METTL15: variants seen among roughly 807,000 people sequenced by gnomAD.
The protein encoded by METTL15 is methyltransferase 15, mitochondrial 12S rRNA N4-cytidine.
In METTL15, 34 loss-of-function variants were observed where a neutral mutation model predicts 38.3. The observed-to-expected ratio is 0.89, with a 90% CI of 0.68 to 1.18. METTL15 has a LOEUF of 1.18. METTL15 is among the 50% of genes most tolerant of loss of function. The pLI is 0.00. For synonymous variants in METTL15, 162 were observed against 170.9 expected (o/e 0.95, Z 0.41); for missense variants, 438 against 498.4 (o/e 0.88, Z 1.15).
chr11:28,142,439 C>A (rs1421810572), intron 3 of METTL15, among the ~76,000 whole-genome samples: 1 of 152,064 alleles, frequency 6.6e-6, no homozygotes, highest in African/African-American at 2.4e-5. Context: ...TGCTGCCTGG[C>A]CTATTTTGGA....
At chr11:28,156,255 T>A (rs904284075) in intron 3 of METTL15, among the ~76,000 whole-genome samples, 3 of 152,042 alleles carry the variant, frequency 2.0e-5, no homozygotes, top group Non-Finnish European at 4.4e-5. Flanking sequence ...GAAGTAGGAG[T>A]TGAGGACCTG....
chr11:28,458,230 G>A (rs182489119), intron 6 of METTL15, among the ~76,000 whole-genome samples: 28 of 152,270 alleles, frequency 1.8e-4, no homozygotes, highest in African/African-American at 6.0e-4. Flanking sequence ...GTAGTATTCT[G>A]TAGGATTTAG....
intron 5 of METTL15, among the ~76,000 whole-genome samples, chr11:28,403,189 C>T (rs915832619): frequency 8.6e-5 from 13 of 151,924 alleles, no homozygotes; most frequent in Non-Finnish European, 1.9e-4. Flanking sequence ...CTCCAGTGGA[C>T]ACTAGCTTGG....
intron 5 of METTL15, among the ~76,000 whole-genome samples, chr11:28,367,606 G>A (rs1254974755): frequency 7.2e-5 from 11 of 151,886 alleles, no homozygotes; most frequent in African/African-American, 1.5e-4. Context: ...TACTTTAAAC[G>A]TCATATGGAA....
chr11:28,227,909 T>A (rs1181812677), intron 4 of METTL15, among the ~76,000 whole-genome samples: 1 of 151,916 alleles, frequency 6.6e-6, no homozygotes, highest in Non-Finnish European at 1.5e-5. Flanking sequence ...TACTTTGCTT[T>A]AATGATCTCT....
intron 6 of METTL15, among the ~76,000 whole-genome samples, chr11:28,490,911 G>A (rs871004): frequency 0.4 from 61,477 of 151,934 alleles, 13,178 homozygotes; most frequent in African/African-American, 0.55. Flanking sequence ...TCCAAGGATT[G>A]GAAACTGGTC....
At chr11:28,240,510 A>T (rs1854246802) in intron 4 of METTL15, among the ~76,000 whole-genome samples, 1 of 152,194 alleles carries the variant, frequency 6.6e-6, no homozygotes, top group Non-Finnish European at 1.5e-5. Flanking sequence ...GAATATTAGG[A>T]TTAAATGTAC....
chr11:28,464,303 C>A (rs1851239494), intron 6 of METTL15, among the ~76,000 whole-genome samples: 1 of 152,094 alleles, frequency 6.6e-6, no homozygotes, highest in South Asian at 2.1e-4. Flanking sequence ...CAGGGGCTGG[C>A]AAACTTTTTC....
intron 4 of METTL15, among the ~76,000 whole-genome samples, chr11:28,358,605 T>A (rs1850109887): frequency 6.6e-6 from 1 of 152,138 alleles, no homozygotes; most frequent in Admixed American, 6.6e-5. Flanking sequence ...TCCCCTGAAC[T>A]CCCTTAATAC....
intron 6 of METTL15, among the ~76,000 whole-genome samples, chr11:28,451,091 A>G (rs910662282): frequency 1.3e-5 from 2 of 152,286 alleles, no homozygotes; most frequent in East Asian, 3.9e-4. Context: ...GTTGAAAGCT[A>G]CAATACTCAA....
chr11:28,145,479 T>G (rs1311266804), intron 3 of METTL15: 1 of 152,052 alleles, frequency 6.6e-6, no homozygotes, highest in Admixed American at 6.6e-5. Flanking sequence ...GGTACTAACT[T>G]TGATTTCTCT....
At chr11:28,365,056 T>C (rs1850172972) in intron 5 of METTL15, among the ~76,000 whole-genome samples, 1 of 152,248 alleles carries the variant, frequency 6.6e-6, no homozygotes, top group Non-Finnish European at 1.5e-5. Flanking sequence ...AACTTTTTGA[T>C]GTGCTGCTGG....
At chr11:28,464,882 G>C (rs1175372949) in intron 6 of METTL15, among the ~76,000 whole-genome samples, 1 of 152,170 alleles carries the variant, frequency 6.6e-6, no homozygotes, top group East Asian at 1.9e-4. Flanking sequence ...TGTTGGATTT[G>C]AAGTTAGGCA....
intron 3 of METTL15, among the ~76,000 whole-genome samples, chr11:28,343,308 A>T (rs979028627): frequency 6.6e-6 from 1 of 152,136 alleles, no homozygotes; most frequent in Non-Finnish European, 1.5e-5. Context: ...CATTTGCCTT[A>T]CAACCAGAGA....
intron 3 of METTL15, among the ~76,000 whole-genome samples, chr11:28,183,776 A>G (rs1240823470): frequency 6.6e-6 from 1 of 152,110 alleles, no homozygotes; most frequent in Non-Finnish European, 1.5e-5. Context: ...GCCTCATAAA[A>G]TGAGTTAGGG....
chr11:28,515,753 G>A (rs975825088), intron 6 of METTL15, among the ~76,000 whole-genome samples: 8 of 152,192 alleles, frequency 5.3e-5, no homozygotes, highest in African/African-American at 1.4e-4. Flanking sequence ...AGCAGGAATC[G>A]AAGTGCATGA....
intron 4 of METTL15, among the ~76,000 whole-genome samples, chr11:28,275,845 C>G (rs1331870731): frequency 6.6e-6 from 1 of 151,864 alleles, no homozygotes; most frequent in African/African-American, 2.4e-5. Context: ...TGTACAAAAG[C>G]CATATATTAA....
In METTL15 at chr11:28,169,090, G is replaced by A. The variant is rs934043350; in HGVS notation, c.271-41972G>A. Among the ~76,000 whole-genome samples the A allele has an allele frequency of 6.6e-5, 10 of 152,146 alleles. No individual in the cohort carries two copies. The East Asian group carries it at 7.7e-4, about 12-fold the overall frequency. On this transcript the variant is annotated intron_variant, in intron 3 of 6. Coordinates refer to ENST00000407364, the MANE Select transcript of METTL15 (RefSeq NM_001113528.2). Reference sequence around the variant, plus strand: ...GGTAAAGTGGAGGTTAGACCAAAATGGAGAGAGACTGGTAGAGAAAACTGA... The same window carrying A: ...GGTAAAGTGGAGGTTAGACCAAAATAGAGAGAGACTGGTAGAGAAAACTGA...
chr11:28,144,940 A>G (rs975874744), intron 3 of METTL15: 21 of 198,014 alleles, frequency 1.1e-4, no homozygotes, highest in Admixed American at 8.3e-4. Flanking sequence ...GATTGCTCCA[A>G]TATAAAACCA....
Sources: gnomAD v4.1 joint callset for allele counts (sites outside exome capture counted in the v4.1 genomes callset) on GRCh38, gnomAD v4.1.1 for gene constraint, MANE v1.5 for transcripts, NCBI Gene and HGNC (gene_info 2026-07-23, HGNC 2026-07-21) for gene names.